PCDH7: variants seen among roughly 807,000 people sequenced by gnomAD.
PCDH7 encodes protocadherin 7.
PCDH7 carries 17 observed loss-of-function variants against 58.9 expected under a neutral mutation model. That is an observed-to-expected ratio of 0.29 (90% CI 0.20 to 0.43). The LOEUF (loss-of-function observed/expected upper bound fraction) is 0.43, where lower values mean the gene tolerates loss of function less well. Ranked by LOEUF, PCDH7 falls within the 20% of genes least tolerant of loss-of-function variation. The pLI is 1.00. For synonymous variants in PCDH7, 664 were observed against 616.4 expected (o/e 1.08, Z -1.14); for missense variants, 1,274 against 1,441.0 (o/e 0.88, Z 1.88).
intron 1 of PCDH7, among the ~76,000 whole-genome samples, chr4:30,874,830 T>G (rs1736093736): frequency 6.6e-6 from 1 of 152,010 alleles, no homozygotes; most frequent in African/African-American, 2.4e-5. Flanking sequence ...ACTACCTCTG[T>G]CTCATTAAAG....
At chr4:30,772,706 A>G (rs1721571715) in intron 1 of PCDH7, among the ~76,000 whole-genome samples, 1 of 152,244 alleles carries the variant, frequency 6.6e-6, no homozygotes, top group Non-Finnish European at 1.5e-5. Context: ...TCTTTGAATA[A>G]TAACAGTGGT....
intron 3 of PCDH7, among the ~76,000 whole-genome samples, chr4:30,968,378 A>G (rs1380067805): frequency 1.1e-4 from 3 of 28,082 alleles, no homozygotes; most frequent in African/African-American, 6.8e-4. Flanking sequence ...TACACACACT[A>G]TATATATATA....
chr4:30,930,246 C>T (rs1002815689), intron 2 of PCDH7, among the ~76,000 whole-genome samples: 1 of 152,032 alleles, frequency 6.6e-6, no homozygotes, highest in African/African-American at 2.4e-5. Flanking sequence ...GTGGATAAGG[C>T]TATGGAGAAC....
At chr4:30,728,972 C>T (rs116049872) in intron 1 of PCDH7, among the ~76,000 whole-genome samples, 1,905 of 151,730 alleles carry the variant, frequency 0.013, 32 homozygotes, top group African/African-American at 0.044. Flanking sequence ...TAAGCTTAAA[C>T]ATACACAATG....
At chr4:30,995,258 C>A (rs564818678) in intron 3 of PCDH7, among the ~76,000 whole-genome samples, 2 of 152,204 alleles carry the variant, frequency 1.3e-5, no homozygotes, top group African/African-American at 4.8e-5. Flanking sequence ...TGGCTCATGC[C>A]TGTAATCCCA....
At chr4:30,833,360 A>C (rs911640914) in intron 1 of PCDH7, among the ~76,000 whole-genome samples, 10 of 152,142 alleles carry the variant, frequency 6.6e-5, no homozygotes, top group African/African-American at 2.2e-4. Context: ...TCCTTGGCTT[A>C]CAGTCCCCTT....
At chr4:31,020,910 GATTT>G (rs1343269791) in intron 3 of PCDH7, among the ~76,000 whole-genome samples, 1 of 151,996 alleles carries the variant, frequency 6.6e-6, no homozygotes, top group Non-Finnish European at 1.5e-5. Flanking sequence ...CATCCAAATT[GATTT>G]ATTTTTTTCT....
chr4:30,854,963 C>T (rs1364817591), intron 1 of PCDH7, among the ~76,000 whole-genome samples: 1 of 152,112 alleles, frequency 6.6e-6, no homozygotes, highest in East Asian at 1.9e-4. Flanking sequence ...CTGTATAGTT[C>T]TGAGTTAAGT....
intron 2 of PCDH7, among the ~76,000 whole-genome samples, chr4:30,928,342 TAAGTA>T (rs550282237): frequency 3.9e-5 from 6 of 152,222 alleles, no homozygotes; most frequent in Non-Finnish European, 7.3e-5. Context: ...AGGTTTTTAA[TAAGTA>T]AAGTATTTTT....
At chr4:31,043,183 C>G (rs550041739) in intron 3 of PCDH7, among the ~76,000 whole-genome samples, 14 of 152,174 alleles carry the variant, frequency 9.2e-5, no homozygotes, top group African/African-American at 3.4e-4. Context: ...AACATGAGTT[C>G]TGGAGGGGAC....
chr4:30,976,695 G>A (rs1251697297), intron 3 of PCDH7, among the ~76,000 whole-genome samples: 2 of 151,942 alleles, frequency 1.3e-5, no homozygotes, highest in East Asian at 1.9e-4. Context: ...CACTGCACCC[G>A]GCCCATAAAA....
At chr4:30,958,931 T>C (rs1380182249) in intron 3 of PCDH7, among the ~76,000 whole-genome samples, 2 of 152,116 alleles carry the variant, frequency 1.3e-5, no homozygotes, top group African/African-American at 4.8e-5. Flanking sequence ...TTTTTAAGCA[T>C]AGCTATATTT....
At chr4:30,936,967 A>G (rs983620398) in intron 2 of PCDH7, among the ~76,000 whole-genome samples, 2 of 152,052 alleles carry the variant, frequency 1.3e-5, no homozygotes, top group Non-Finnish European at 2.9e-5. Flanking sequence ...CAGAACACAC[A>G]CACACACAGA....
At chr4:31,002,416 T>C (rs1752429766) in intron 3 of PCDH7, among the ~76,000 whole-genome samples, 1 of 152,252 alleles carries the variant, frequency 6.6e-6, no homozygotes, top group Non-Finnish European at 1.5e-5. Context: ...CCAGTATATT[T>C]AATGTAGACC....
chr4:31,010,021 C>T (rs776527644), intron 3 of PCDH7, among the ~76,000 whole-genome samples: 22 of 151,952 alleles, frequency 1.4e-4, no homozygotes, highest in Non-Finnish European at 3.2e-4. Context: ...CCTACTGAAT[C>T]ATAAGATTTC....
chr4:30,990,374 A>G (rs2109122740), intron 3 of PCDH7, among the ~76,000 whole-genome samples: 2 of 152,170 alleles, frequency 1.3e-5, no homozygotes, highest in Middle Eastern at 6.8e-3. Context: ...CATGATAGCA[A>G]CTTGAATGAT....
chr4:30,743,642 T>C (rs1717378157), intron 1 of PCDH7, among the ~76,000 whole-genome samples: 4 of 151,962 alleles, frequency 2.6e-5, no homozygotes, highest in Admixed American at 1.3e-4. Context: ...TGAAAAAATA[T>C]CGGCCTCTGA....
At chr4:30,960,112 GGGAAGGAAGGAAGGAA>G (rs796354089) in intron 3 of PCDH7, among the ~76,000 whole-genome samples, 2 of 65,796 alleles carry the variant, frequency 3.0e-5, no homozygotes, top group Admixed American at 1.6e-4. Context: ...AAAGGAAGGA[GGGAAGGAAGGAAGGAA>G]GGAAGGAAGG....
chr4:31,144,338 AAGC>A (rs1720539063), downstream of PCDH7: 1 of 152,202 alleles, frequency 6.6e-6, no homozygotes, highest in African/African-American at 2.4e-5. Flanking sequence ...TCAAAGGTGA[AAGC>A]AGAGTTTTTC....
Sources: allele counts gnomAD v4.1 joint callset (sites outside exome capture counted in the v4.1 genomes callset), GRCh38; gene constraint gnomAD v4.1.1; transcripts MANE v1.5; gene names NCBI Gene and HGNC (gene_info 2026-07-23, HGNC 2026-07-21).